Variants in SLC35D4 observed in about 807,000 individuals in gnomAD.
SLC35D4 encodes UDP-N-acetylglucosamine transporter SLC35D4.
At chr18:23,437,908 G>T in the SLC35D4 span, 4 of 1,551,986 alleles carry the variant, frequency 2.6e-6, no homozygotes, top group South Asian at 1.2e-5. Flanking sequence ...TCCCCTGGCC[G>T]CCGCCCGACC....
At chr18:23,332,637 T>A in the SLC35D4 span, among the ~76,000 whole-genome samples, 24 of 152,242 alleles carry the variant, frequency 1.6e-4, no homozygotes, top group South Asian at 3.3e-3. Context: ...AGAGGACTCA[T>A]CTAACAATCT....
chr18:23,402,178 C>T, the SLC35D4 span, among the ~76,000 whole-genome samples: 1 of 152,182 alleles, frequency 6.6e-6, no homozygotes, highest in African/African-American at 2.4e-5. Context: ...CAACCTAAGA[C>T]CATAGCCGCT....
chr18:23,239,022 G>A, the SLC35D4 span, among the ~76,000 whole-genome samples: 1 of 152,224 alleles, frequency 6.6e-6, no homozygotes, highest in Admixed American at 6.5e-5. Context: ...TGATAATGCC[G>A]ACCTCTCCTT....
the SLC35D4 span, among the ~76,000 whole-genome samples, chr18:23,363,595 C>T: frequency 6.6e-6 from 1 of 151,712 alleles, no homozygotes; most frequent in Admixed American, 6.6e-5. Flanking sequence ...AGGATGGTCT[C>T]GATCTCCTGA....
At chr18:23,316,842 GGGCATAAAATGTC>G in the SLC35D4 span, among the ~76,000 whole-genome samples, 1 of 152,122 alleles carries the variant, frequency 6.6e-6, no homozygotes, top group Non-Finnish European at 1.5e-5. Context: ...AATGTGATGA[GGGCATAAAATGTC>G]CCAGACACCA....
chr18:23,280,193 G>A, the SLC35D4 span, among the ~76,000 whole-genome samples: 5 of 152,268 alleles, frequency 3.3e-5, no homozygotes, highest in Admixed American at 6.5e-5. Context: ...GACGGGCCTC[G>A]GCTGGGGTGG....
chr18:23,365,431 A>C, the SLC35D4 span, among the ~76,000 whole-genome samples: 81 of 152,236 alleles, frequency 5.3e-4, no homozygotes, highest in Non-Finnish European at 1.0e-3. Flanking sequence ...GAAAACACAG[A>C]CAACAAGAAG....
the SLC35D4 span, among the ~76,000 whole-genome samples, chr18:23,435,934 G>A: frequency 6.6e-6 from 1 of 151,832 alleles, no homozygotes; most frequent in African/African-American, 2.4e-5. Context: ...GATTTCAAGC[G>A]ATCCGCTCAC....
chr18:23,267,043 T>C, the SLC35D4 span, among the ~76,000 whole-genome samples: 1 of 152,212 alleles, frequency 6.6e-6, no homozygotes, highest in South Asian at 2.1e-4. Flanking sequence ...GCCCACACTC[T>C]GCCCTAAACC....
At chr18:23,437,371 GC>G in the SLC35D4 span, among the ~76,000 whole-genome samples, 1 of 152,110 alleles carries the variant, frequency 6.6e-6, no homozygotes, top group Admixed American at 6.6e-5. Context: ...CTATTTAAAG[GC>G]TTCTGGAACT....
the SLC35D4 span, among the ~76,000 whole-genome samples, chr18:23,385,512 C>CA: frequency 6.6e-6 from 1 of 152,184 alleles, no homozygotes; most frequent in Non-Finnish European, 1.5e-5. Flanking sequence ...ATGGGCCAAA[C>CA]AAAAAGCAGG....
At chr18:23,256,472 T>C in the SLC35D4 span, among the ~76,000 whole-genome samples, 1 of 152,138 alleles carries the variant, frequency 6.6e-6, no homozygotes, top group African/African-American at 2.4e-5. Context: ...CGTGCGTGGT[T>C]TGCTTTATTA....
At chr18:23,334,430 A>G in the SLC35D4 span, among the ~76,000 whole-genome samples, 2 of 152,214 alleles carry the variant, frequency 1.3e-5, no homozygotes, top group Non-Finnish European at 1.5e-5. Context: ...TCTCCTGTCA[A>G]ACTGCACAGA....
the SLC35D4 span, among the ~76,000 whole-genome samples, chr18:23,347,822 T>C: frequency 6.6e-6 from 1 of 152,214 alleles, no homozygotes; most frequent in African/African-American, 2.4e-5. Flanking sequence ...TATTTTTCTG[T>C]TTCCTATTTC....
At chr18:23,347,399 A>ATCTC in the SLC35D4 span, among the ~76,000 whole-genome samples, 360 of 149,104 alleles carry the variant, frequency 2.4e-3, no homozygotes, top group African/African-American at 7.7e-3. Flanking sequence ...GATAATTTGC[A>ATCTC]TCTCTCTCTC....
At chr18:23,404,853 G>A in the SLC35D4 span, among the ~76,000 whole-genome samples, 2 of 151,886 alleles carry the variant, frequency 1.3e-5, no homozygotes, top group East Asian at 3.9e-4. Context: ...GGGCCTGGTG[G>A]CCCGTGCCTG....
At chr18:23,334,160 C>T in the SLC35D4 span, among the ~76,000 whole-genome samples, 752 of 152,256 alleles carry the variant, frequency 4.9e-3, 7 homozygotes, top group Non-Finnish European at 7.1e-3. Context: ...TGACTAATCA[C>T]CTACTATATT....
At chr18:23,430,739 A>G in the SLC35D4 span, 2 of 1,426,442 alleles carry the variant, frequency 1.4e-6, no homozygotes, top group Non-Finnish European at 2.0e-6. Context: ...AAACCATATA[A>G]TCAAAGACAT....
chr18:23,357,724 C>T, the SLC35D4 span, among the ~76,000 whole-genome samples: 2 of 152,238 alleles, frequency 1.3e-5, no homozygotes, highest in African/African-American at 2.4e-5. Context: ...GAGACCCAAA[C>T]GATCTCAAAT....
Sources: gnomAD v4.1 joint callset for allele counts (sites outside exome capture counted in the v4.1 genomes callset) on GRCh38, gnomAD v4.1.1 for gene constraint, MANE v1.5 for transcripts, NCBI Gene and HGNC (gene_info 2026-07-23, HGNC 2026-07-21) for gene names.